The following HTR4 variants were observed in gnomAD, a reference collection of about 807,000 sequenced individuals.
The protein encoded by HTR4 is 5-hydroxytryptamine receptor 4, also known as 5-hydroxytryptamine (serotonin) receptor 4, G protein-coupled.
Under a neutral mutation model 36.8 loss-of-function variants are expected in HTR4, and 16 were observed. The ratio of observed to expected loss-of-function variants is 0.43; its 90% CI spans 0.29 to 0.66. The LOEUF (loss-of-function observed/expected upper bound fraction) is 0.66. Ranked by LOEUF, HTR4 falls within the 30% of genes least tolerant of loss-of-function variation. The pLI is 0.13. For synonymous variants in HTR4, 189 were observed against 185.1 expected, an observed-to-expected ratio of 1.02 and a Z score of -0.17; for missense variants, 438 against 490.9, an observed-to-expected ratio of 0.89 and a Z score of 1.02.
In HTR4 at chr5:148,550,207, T is replaced by C. The variant is rs1427726674; in HGVS notation, c.82A>G (p.Thr28Ala). The C allele has an allele frequency of 6.2e-7, 1 of 1,614,072 alleles. No homozygotes were observed. The highest frequency in any genetic ancestry group is 1.7e-5 in the Admixed American group (1 of 60,030). ...CCCAAGATGGCCATCAGGATAACCG[T>C]CGAGAGAAACGTGAGCAGCACCACC... Reference protein sequence around the residue: ...EKVVLLTFLSTVILMAILGNL... With the variant: ...EKVVLLTFLSAVILMAILGNL... The change falls in exon 3 of 7, where the codon ACG (threonine) becomes GCG (alanine). Residue 28 changes from threonine to alanine, a missense_variant. Transcript: ENST00000377888.
intron 5 of HTR4, among the ~76,000 whole-genome samples, chr5:148,470,296 T>G (rs78286899): frequency 6.6e-6 from 1 of 152,184 alleles, no homozygotes; most frequent in Non-Finnish European, 1.5e-5. Context: ...CTTCCCATCA[T>G]GTAAAATAAG....
intron 5 of HTR4, among the ~76,000 whole-genome samples, chr5:148,470,728 G>A (rs1025174462): frequency 6.6e-6 from 1 of 152,060 alleles, no homozygotes; most frequent in Non-Finnish European, 1.5e-5. Flanking sequence ...TCGTTCTGCT[G>A]CCCAGGCTAG....
chr5:148,501,515 T>C (rs1232305956), intron 6 of HTR4, among the ~76,000 whole-genome samples: 1 of 152,232 alleles, frequency 6.6e-6, no homozygotes, highest in Non-Finnish European at 1.5e-5. Context: ...TTAGTTGTGT[T>C]AAGTTAAAAC....
chr5:148,473,784 A>G (rs1333202400), downstream of HTR4, among the ~76,000 whole-genome samples: 1 of 152,238 alleles, frequency 6.6e-6, no homozygotes, highest in African/African-American at 2.4e-5. Context: ...GTGGCTTACC[A>G]GAATTTACCC....
chr5:148,541,720 A>T (rs1311689473), intron 4 of HTR4, among the ~76,000 whole-genome samples: 1 of 152,228 alleles, frequency 6.6e-6, no homozygotes, highest in Non-Finnish European at 1.5e-5. Context: ...GAGGTAGGAA[A>T]ATCAGACTGA....
At chr5:148,608,285 C>A (rs1752264338) in intron 2 of HTR4, among the ~76,000 whole-genome samples, 1 of 152,054 alleles carries the variant, frequency 6.6e-6, no homozygotes, top group Non-Finnish European at 1.5e-5. Flanking sequence ...GGGAAACAAA[C>A]AAACAGGCAA....
intron 2 of HTR4, among the ~76,000 whole-genome samples, chr5:148,583,622 A>G (rs1160173117): frequency 6.6e-6 from 1 of 151,394 alleles, no homozygotes; most frequent in Non-Finnish European, 1.5e-5. Context: ...CATCATCATC[A>G]TCATCATCAT....
intron 4 of HTR4, among the ~76,000 whole-genome samples, chr5:148,537,907 C>T (rs965566053): frequency 6.6e-6 from 1 of 152,082 alleles, no homozygotes; most frequent in Non-Finnish European, 1.5e-5. Flanking sequence ...GTCTTGATAC[C>T]AACACCTGGC....
rs1756035737 is a variant in HTR4, at chr5:148,484,177, T to A, written c.1077-884A>T. 54 of 1,417,264 alleles carry A rather than the reference T, an allele frequency of 3.8e-5. No homozygotes were observed. In the South Asian group the frequency reaches 7.0e-4, roughly 18 times the overall value. The allele number at this position is 1,417,264 out of a possible 1,614,324, so 87.8% of individuals were successfully genotyped here. ...ATCAAATAATCTACAATGGTAGATA[T>A]TTCAGTTTAGTGTCATCTGCCTTTT... On this transcript the variant is annotated intron_variant, in intron 6 of 6. Coordinates refer to ENST00000377888, the MANE Select transcript of HTR4 (RefSeq NM_000870.7).
intron 2 of HTR4, among the ~76,000 whole-genome samples, chr5:148,603,945 T>TG (rs1752033187): frequency 6.6e-6 from 1 of 152,094 alleles, no homozygotes; most frequent in Non-Finnish European, 1.5e-5. Context: ...TTTCAATGAA[T>TG]GGCCCTAGGT....
At chr5:148,590,532 T>C (rs1761524727) in intron 2 of HTR4, among the ~76,000 whole-genome samples, 1 of 151,966 alleles carries the variant, frequency 6.6e-6, no homozygotes, top group African/African-American at 2.4e-5. Context: ...GCAGAGCAAA[T>C]ACTTTCTCAG....
At position 148,481,784 on chromosome 5, in the gene HTR4, A is replaced by G. The variant is rs901864548; in HGVS notation, c.*1419T>C. On this transcript the variant is annotated 3_prime_UTR_variant, in exon 7 of 7. Transcript: ENST00000377888. ...TGGGTTTGGCATTTACCTTCCCGGGACTTCTGCTATGGGGCATTCGCAAGA... is the reference window on the plus strand; with the variant it reads ...TGGGTTTGGCATTTACCTTCCCGGGGCTTCTGCTATGGGGCATTCGCAAGA... 1 of 1,399,632 alleles carries G rather than the reference A, an allele frequency of 7.1e-7. No homozygotes were observed. Among genetic ancestry groups the G allele is most frequent in the East Asian group, 2.6e-5 (1 of 38,750 alleles). 86.7% of individuals were successfully genotyped at this position (1,399,632 alleles called of 1,614,324 possible).
chr5:148,634,906 A>G (rs775775640), intron 2 of HTR4, among the ~76,000 whole-genome samples: 9 of 152,184 alleles, frequency 5.9e-5, no homozygotes, highest in Non-Finnish European at 1.3e-4. Flanking sequence ...TCCCTTATCA[A>G]AGAAGAATTT....
At chr5:148,583,858 C>A (rs1473317718) in intron 2 of HTR4, among the ~76,000 whole-genome samples, 6 of 152,076 alleles carry the variant, frequency 3.9e-5, no homozygotes, top group African/African-American at 7.2e-5. Flanking sequence ...GTGGTTGAAG[C>A]TCTAGTCCTG....
chr5:148,594,275 C>T (rs1230007588), intron 2 of HTR4, among the ~76,000 whole-genome samples: 2 of 151,888 alleles, frequency 1.3e-5, no homozygotes, highest in East Asian at 1.9e-4. Context: ...TTAGATAATA[C>T]GGTTAGAAAT....
intron 2 of HTR4, among the ~76,000 whole-genome samples, chr5:148,569,462 A>T (rs758213745): frequency 6.6e-6 from 1 of 152,090 alleles, no homozygotes; most frequent in Non-Finnish European, 1.5e-5. Context: ...GCACATGTTT[A>T]CCTATGTAAC....
downstream of HTR4, among the ~76,000 whole-genome samples, chr5:148,474,329 G>T (rs567875209): frequency 2.6e-5 from 4 of 152,116 alleles, no homozygotes; most frequent in African/African-American, 9.6e-5. Context: ...AGAATGTGGG[G>T]GTGGTGTGGG....
At chr5:148,553,390 A>G (rs899139358) in intron 2 of HTR4, among the ~76,000 whole-genome samples, 29 of 152,174 alleles carry the variant, frequency 1.9e-4, no homozygotes, top group African/African-American at 7.0e-4. Flanking sequence ...CTGCATATTT[A>G]AGTTACCTGA....
intron 5 of HTR4, among the ~76,000 whole-genome samples, chr5:148,517,058 A>G (rs1167523323): frequency 6.6e-6 from 1 of 152,130 alleles, no homozygotes; most frequent in Non-Finnish European, 1.5e-5. Flanking sequence ...TTCAAAGAAT[A>G]TTTTACTTAA....
Sources: gnomAD v4.1 joint callset for allele counts (sites outside exome capture counted in the v4.1 genomes callset) on GRCh38, gnomAD v4.1.1 for gene constraint, MANE v1.5 for transcripts, NCBI Gene and HGNC (gene_info 2026-07-23, HGNC 2026-07-21) for gene names.